Variants in MAPK10 observed in about 807,000 individuals in gnomAD.
The protein encoded by MAPK10 is JNK3 alpha protein kinase.
Under a neutral mutation model 59.3 loss-of-function variants are expected in MAPK10, and 25 were observed. That is an observed-to-expected ratio of 0.42 (90% CI 0.31 to 0.59). The LOEUF (loss-of-function observed/expected upper bound fraction) is 0.59. Among genes scored for constraint, MAPK10 ranks in the 20% least tolerant of loss-of-function variants. The pLI is 0.15. For synonymous variants in MAPK10, 190 were observed against 200.5 expected, an observed-to-expected ratio of 0.95 and a Z score of 0.44; for missense variants, 351 against 568.9, an observed-to-expected ratio of 0.62 and a Z score of 3.90.
At chr4:86,321,140 C>T (rs1031272103) in intron 2 of MAPK10, among the ~76,000 whole-genome samples, 16 of 151,844 alleles carry the variant, frequency 1.1e-4, no homozygotes, top group African/African-American at 3.9e-4. Flanking sequence ...GTTGGTGGGA[C>T]TGTAAACTAG....
chr4:86,178,402 T>C (rs887819731), intron 3 of MAPK10, among the ~76,000 whole-genome samples: 2 of 152,090 alleles, frequency 1.3e-5, no homozygotes, highest in Non-Finnish European at 2.9e-5. Context: ...GTTTTTTTAA[T>C]GTTTATAAGC....
chr4:86,501,272 C>G (rs1462847927), intron 1 of MAPK10, among the ~76,000 whole-genome samples: 1 of 151,910 alleles, frequency 6.6e-6, no homozygotes, highest in Admixed American at 6.6e-5. Context: ...GCCCTATGTT[C>G]AGGTGCAGGC....
chr4:86,509,437 TAC>T (rs1165014655), intron 1 of MAPK10, among the ~76,000 whole-genome samples: 3 of 147,918 alleles, frequency 2.0e-5, no homozygotes, highest in Admixed American at 6.8e-5. Flanking sequence ...GTCTGTCTGT[TAC>T]ACGGGGGCCA....
chr4:86,497,429 C>T (rs1157900122), intron 1 of MAPK10, among the ~76,000 whole-genome samples: 1 of 152,188 alleles, frequency 6.6e-6, no homozygotes, highest in Non-Finnish European at 1.5e-5. Context: ...AGACTCAGAG[C>T]ACACACTACA....
intron 3 of MAPK10, among the ~76,000 whole-genome samples, chr4:86,173,163 T>C (rs2149264572): frequency 6.6e-6 from 1 of 152,018 alleles, no homozygotes; most frequent in Non-Finnish European, 1.5e-5. Context: ...GTATAGCCAA[T>C]ACAATCCTAA....
At chr4:86,551,388 C>T (rs1237521420) in intron 1 of MAPK10, among the ~76,000 whole-genome samples, 1 of 152,138 alleles carries the variant, frequency 6.6e-6, no homozygotes, top group Non-Finnish European at 1.5e-5. Context: ...TTACTCAATG[C>T]TTAATTTTAA....
intron 4 of MAPK10, among the ~76,000 whole-genome samples, chr4:86,157,514 G>C (rs2068181325): frequency 6.6e-6 from 1 of 151,876 alleles, no homozygotes; most frequent in Non-Finnish European, 1.5e-5. Flanking sequence ...ACTATACTCA[G>C]GATTGCATGG....
intron 4 of MAPK10, among the ~76,000 whole-genome samples, chr4:86,116,025 A>G (rs1397761548): frequency 6.6e-6 from 1 of 152,268 alleles, no homozygotes; most frequent in East Asian, 1.9e-4. Context: ...AATTAAACTT[A>G]CTGTCTAAAG....
chr4:86,287,118 A>T (rs184058339), intron 2 of MAPK10, among the ~76,000 whole-genome samples: 16 of 152,354 alleles, frequency 1.1e-4, no homozygotes, highest in African/African-American at 3.8e-4. Context: ...ACATTTACCC[A>T]GCCGGGTAAG....
intron 2 of MAPK10, among the ~76,000 whole-genome samples, chr4:86,282,546 A>G (rs562368180): frequency 6.6e-6 from 1 of 152,332 alleles, no homozygotes; most frequent in South Asian, 2.1e-4. Flanking sequence ...ATAGTAACAG[A>G]AAAGGAAACT....
chr4:86,082,306 A>G (rs1450180447), intron 9 of MAPK10: 2 of 152,166 alleles, frequency 1.3e-5, no homozygotes, highest in African/African-American at 4.8e-5. Flanking sequence ...CTATTTATTA[A>G]TCTTCTTCAA....
intron 1 of MAPK10, among the ~76,000 whole-genome samples, chr4:86,591,572 C>T (rs1565089163): frequency 1.3e-5 from 2 of 152,190 alleles, no homozygotes; most frequent in African/African-American, 2.4e-5. Context: ...AAGGGTTTCA[C>T]CATGTTGCCC....
At chr4:86,308,392 T>G (rs2095608814) in intron 2 of MAPK10, among the ~76,000 whole-genome samples, 1 of 152,222 alleles carries the variant, frequency 6.6e-6, no homozygotes, top group African/African-American at 2.4e-5. Context: ...CTGCTATAGC[T>G]TAAAATGAGT....
At chr4:86,433,448 A>G (rs1259300015) in intron 1 of MAPK10, among the ~76,000 whole-genome samples, 1 of 151,890 alleles carries the variant, frequency 6.6e-6, no homozygotes, top group Non-Finnish European at 1.5e-5. Context: ...TCCCTGTGGA[A>G]TTATCCTGAA....
chr4:86,274,502 G>A (rs760746457), intron 2 of MAPK10, among the ~76,000 whole-genome samples: 20 of 150,616 alleles, frequency 1.3e-4, no homozygotes, highest in Admixed American at 5.3e-4. Flanking sequence ...CAGCTTTCTC[G>A]CCTCTCACTT....
chr4:86,245,539 G>A (rs1210917405), intron 2 of MAPK10, among the ~76,000 whole-genome samples: 3 of 151,902 alleles, frequency 2.0e-5, no homozygotes, highest in Non-Finnish European at 4.4e-5. Flanking sequence ...TCACTATATT[G>A]CCCAGGCTGG....
At chr4:86,035,370 C>CAA (rs70948779) in intron 11 of MAPK10, among the ~76,000 whole-genome samples, 1,958 of 37,642 alleles carry the variant, frequency 0.052, 368 homozygotes, top group African/African-American at 0.14. Flanking sequence ...GACTCTGTCT[C>CAA]AAAAAAAAAA....
chr4:86,122,049 CT>C (rs1009490514), intron 4 of MAPK10, among the ~76,000 whole-genome samples: 5 of 151,752 alleles, frequency 3.3e-5, no homozygotes, highest in African/African-American at 7.3e-5. Context: ...TTAATACAGT[CT>C]TTTTTTTGGG....
chr4:86,409,745 T>A (rs1040347173), intron 1 of MAPK10, among the ~76,000 whole-genome samples: 2 of 152,222 alleles, frequency 1.3e-5, no homozygotes, highest in African/African-American at 4.8e-5. Flanking sequence ...TTTTGCACAT[T>A]GATTTTGTAT....
Sources: allele counts gnomAD v4.1 joint callset (sites outside exome capture counted in the v4.1 genomes callset), GRCh38; gene constraint gnomAD v4.1.1; transcripts MANE v1.5; gene names NCBI Gene and HGNC (gene_info 2026-07-23, HGNC 2026-07-21).